ADGRG7: variants seen among roughly 807,000 people sequenced by gnomAD.
ADGRG7 encodes G-protein coupled receptor 128.
A neutral mutation model predicts 88.6 loss-of-function variants in ADGRG7; 82 were observed. That is an observed-to-expected ratio of 0.93 (90% CI 0.77 to 1.11). ADGRG7 has a LOEUF of 1.11. Ranked by LOEUF, ADGRG7 falls within the 50% of genes most tolerant of loss-of-function variation. ADGRG7 has a pLI of 0.00. For synonymous variants in ADGRG7, 381 were observed against 345.2 expected, an observed-to-expected ratio of 1.10 and a Z score of -1.15; for missense variants, 945 against 953.4, an observed-to-expected ratio of 0.99 and a Z score of 0.12.
At chr3:100,668,154 A>G (rs2094954089) in intron 14 of ADGRG7, among the ~76,000 whole-genome samples, 1 of 152,202 alleles carries the variant, frequency 6.6e-6, no homozygotes, top group Admixed American at 6.5e-5. Flanking sequence ...CCTGGTACCT[A>G]CGTTGAAAAT....
intron 1 of ADGRG7, among the ~76,000 whole-genome samples, chr3:100,610,707 C>A (rs953372947): frequency 3.3e-5 from 5 of 152,206 alleles, no homozygotes; most frequent in African/African-American, 1.2e-4. Flanking sequence ...GGCTGTAGAG[C>A]TTCTCCGTAA....
intron 11 of ADGRG7, 54 bp from the exon 12 acceptor site, chr3:100,654,781 T>C (rs1448931090): frequency 1.8e-6 from 2 of 1,095,982 alleles, no homozygotes; most frequent in Non-Finnish European, 1.3e-6. Context: ...CAGTTTGTTT[T>C]GTGCAGTTGT....
At chr3:100,694,030 G>A (rs1026426687) in intron 15 of ADGRG7, among the ~76,000 whole-genome samples, 1 of 152,198 alleles carries the variant, frequency 6.6e-6, no homozygotes, top group African/African-American at 2.4e-5. Context: ...TACTGGTTGG[G>A]TGATCGTGGA....
intron 6 of ADGRG7, among the ~76,000 whole-genome samples, chr3:100,638,722 A>G (rs1462059771): frequency 6.6e-6 from 1 of 152,112 alleles, no homozygotes; most frequent in African/African-American, 2.4e-5. Context: ...ATTGAAAAAA[A>G]AGAAAAAGAG....
chr3:100,646,280 G>A lies in ADGRG7; in HGVS notation c.1110+172G>A, dbSNP rs16842476. 4,132 of 643,920 alleles carry A rather than the reference G, an allele frequency of 6.4e-3. 141 individuals are homozygous for A. In the African/African-American group the frequency reaches 0.068, roughly 11 times the overall value. The allele number at this position is 643,920 out of a possible 1,614,324, so 39.9% of individuals were successfully genotyped here. On this transcript the variant is annotated intron_variant, in intron 9 of 15. Coordinates refer to ENST00000273352, the MANE Select transcript of ADGRG7 (RefSeq NM_032787.3). ...TTCAGACCACTCTTGAATAGCAAAAGCAGGGATATGTTGAATAAAAGAAAT... is the reference window on the plus strand; with the variant it reads ...TTCAGACCACTCTTGAATAGCAAAAACAGGGATATGTTGAATAAAAGAAAT...
intron 14 of ADGRG7, among the ~76,000 whole-genome samples, chr3:100,668,325 C>T (rs1284852182): frequency 6.6e-6 from 1 of 152,236 alleles, no homozygotes; most frequent in Non-Finnish European, 1.5e-5. Flanking sequence ...CTCATCTCTG[C>T]TCCACATAGT....
intron 15 of ADGRG7, among the ~76,000 whole-genome samples, chr3:100,671,819 T>A (rs987947389): frequency 1.3e-5 from 2 of 152,208 alleles, no homozygotes; most frequent in South Asian, 4.2e-4. Context: ...GGGAATCCTT[T>A]CTCCATTGCT....
chr3:100,616,651 A>T (rs1432447686), intron 1 of ADGRG7, among the ~76,000 whole-genome samples: 1 of 152,102 alleles, frequency 6.6e-6, no homozygotes, highest in Non-Finnish European at 1.5e-5. Flanking sequence ...TCTCTGCAAA[A>T]CACAAAATAT....
chr3:100,673,497 T>C (rs1430146797), intron 15 of ADGRG7, among the ~76,000 whole-genome samples: 2 of 150,972 alleles, frequency 1.3e-5, no homozygotes, highest in South Asian at 4.2e-4. Flanking sequence ...AGTCTCGGTC[T>C]GTCATGCAGG....
At position 100,663,027 on chromosome 3, in the gene ADGRG7, C is replaced by T. The variant is rs77560593; in HGVS notation, c.1979+3184C>T. On this transcript the variant is annotated intron_variant, in intron 14 of 15. Transcript: ENST00000273352. Reference sequence around the variant, plus strand: ...AAAATAAAAATGTCCTACTGATCCTCTAGCCTCAATCTGTTGTGTTGCAAA... The same window carrying T: ...AAAATAAAAATGTCCTACTGATCCTTTAGCCTCAATCTGTTGTGTTGCAAA... Among the ~76,000 whole-genome samples, 369 of 152,202 alleles carry T rather than the reference C, an allele frequency of 2.4e-3. 3 individuals are homozygous for T. The highest frequency in any genetic ancestry group is 8.4e-3 in the African/African-American group (350 of 41,570).
At chr3:100,613,225 A>C (rs1707180427) in intron 1 of ADGRG7, among the ~76,000 whole-genome samples, 1 of 152,208 alleles carries the variant, frequency 6.6e-6, no homozygotes, top group Admixed American at 6.5e-5. Flanking sequence ...ACAGGTTGTT[A>C]TGAAAGGTCA....
At chr3:100,623,728 G>A (rs1007853287) in intron 1 of ADGRG7, among the ~76,000 whole-genome samples, 1 of 151,968 alleles carries the variant, frequency 6.6e-6, no homozygotes, top group African/African-American at 2.4e-5. Flanking sequence ...AGGCCCCGGT[G>A]TGTGTTGTTC....
At chr3:100,677,572 C>T (rs963857172) in intron 15 of ADGRG7, among the ~76,000 whole-genome samples, 15 of 152,002 alleles carry the variant, frequency 9.9e-5, no homozygotes, top group East Asian at 1.9e-4. Context: ...TCTTTCAGAT[C>T]GAAGAACTCC....
chr3:100,683,525 C>T (rs538017801), intron 15 of ADGRG7, among the ~76,000 whole-genome samples: 1 of 152,354 alleles, frequency 6.6e-6, no homozygotes, highest in Non-Finnish European at 1.5e-5. Flanking sequence ...GTGCCTGGAG[C>T]TGCCTGCCCC....
chr3:100,654,748 C>G (rs2094935167), intron 11 of ADGRG7, 87 bp from the exon 12 acceptor site: 1 of 802,472 alleles, frequency 1.2e-6, no homozygotes, highest in Admixed American at 2.9e-5. Context: ...CAATAATATT[C>G]TTTGTTCCCA....
chr3:100,636,234 T>G (rs1045386677), intron 5 of ADGRG7, among the ~76,000 whole-genome samples: 2 of 152,176 alleles, frequency 1.3e-5, no homozygotes, highest in Non-Finnish European at 2.9e-5. Flanking sequence ...GGCTATCACA[T>G]TAAGTCTTTT....
chr3:100,635,831 A>G lies in ADGRG7; in HGVS notation c.597+5A>G, dbSNP rs2149019831. On this transcript the variant is annotated splice_donor_5th_base_variant and intron_variant, in intron 5 of 15. Coordinates refer to ENST00000273352, the MANE Select transcript of ADGRG7 (RefSeq NM_032787.3). The stretch of plus-strand genomic sequence containing the variant: ...TCCAGAAATGCTTCACCTGAGGTAA[A>G]ACTCACAGAGCTTTAAAAAAAATTT... 1 of 1,593,950 alleles carries G rather than the reference A, an allele frequency of 6.3e-7. No individual in the cohort carries two copies. The highest frequency in any genetic ancestry group is 1.9e-5 in the Admixed American group (1 of 53,598).
chr3:100,626,357 G>T (rs1165253), intron 1 of ADGRG7, among the ~76,000 whole-genome samples: 53 of 151,998 alleles, frequency 3.5e-4, no homozygotes, highest in African/African-American at 1.3e-3. Context: ...TTTTAAATCC[G>T]CTTGTTAATT....
At position 100,609,907 on chromosome 3, in the gene ADGRG7, T is replaced by TGGAC; in HGVS notation, c.52_55dup (p.Leu19ArgfsTer61). 1 of 1,614,060 alleles carries TGGAC rather than the reference T, an allele frequency of 6.2e-7. No individual in the cohort carries two copies. The highest frequency in any genetic ancestry group is 8.5e-7 in the Non-Finnish European group (1 of 1,179,924). On this transcript the variant is annotated frameshift_variant, in exon 1 of 16. Coordinates refer to ENST00000273352, the MANE Select transcript of ADGRG7 (RefSeq NM_032787.3). LOFTEE classifies it high-confidence loss of function. ...TTAGGGTGCTGGTGGCTGTCGTGTG[T>TGGAC]GGACTACTGACTGGCATCATTTTGG...
Sources: allele counts gnomAD v4.1 joint callset (sites outside exome capture counted in the v4.1 genomes callset), GRCh38; gene constraint gnomAD v4.1.1; transcripts MANE v1.5; gene names NCBI Gene and HGNC (gene_info 2026-07-23, HGNC 2026-07-21).